COL27A1: variants seen among roughly 807,000 people sequenced by gnomAD.
COL27A1 encodes collagen alpha-1(XXVII) chain.
COL27A1 carries 106 observed loss-of-function variants against 251.3 expected under a neutral mutation model. The observed-to-expected ratio is 0.42, with a 90% CI of 0.36 to 0.50. COL27A1 has a LOEUF of 0.50. Ranked by LOEUF, COL27A1 falls within the 20% of genes least tolerant of loss-of-function variation. The pLI is 0.00. For missense variants in COL27A1, 2,325 were observed against 2,522.8 expected (o/e 0.92, Z 1.68); for synonymous variants, 1,000 against 986.3 (o/e 1.01, Z -0.26).
chr9:114,255,100 C>T (rs908172932), intron 27 of COL27A1, among the ~76,000 whole-genome samples: 5 of 152,206 alleles, frequency 3.3e-5, no homozygotes, highest in Non-Finnish European at 4.4e-5. Flanking sequence ...CAGAAGCCAG[C>T]ACTCTGGGCT....
chr9:114,237,396 AC>A (rs1832470394), intron 18 of COL27A1, among the ~76,000 whole-genome samples: 1 of 152,112 alleles, frequency 6.6e-6, no homozygotes, highest in South Asian at 2.1e-4. Flanking sequence ...GCTGCCAACT[AC>A]CCCAGGAGTG....
At chr9:114,241,275 G>T (rs2135479176) in intron 21 of COL27A1, among the ~76,000 whole-genome samples, 1 of 152,262 alleles carries the variant, frequency 6.6e-6, no homozygotes, top group East Asian at 1.9e-4. Flanking sequence ...GCCCTGGGCT[G>T]AGGGTGCGGG....
intron 18 of COL27A1, 77 bp from the exon 19 acceptor site, chr9:114,237,585 C>G: frequency 1.6e-6 from 2 of 1,223,746 alleles, no homozygotes; most frequent in East Asian, 4.7e-5. Context: ...CCATCCACAA[C>G]CAGCGGGGGA....
chr9:114,306,820 T>C, intron 58 of COL27A1, 132 bp downstream of exon 58: 1 of 959,482 alleles, frequency 1.0e-6, no homozygotes, highest in Non-Finnish European at 1.5e-6. Flanking sequence ...AGTCATTTAT[T>C]CACTCAGCAG....
chr9:114,200,345 ATTC>A (rs1204188357), intron 7 of COL27A1, among the ~76,000 whole-genome samples: 1 of 152,136 alleles, frequency 6.6e-6, no homozygotes, highest in Non-Finnish European at 1.5e-5. Context: ...GTGCATCTAT[ATTC>A]TTCTAGCACT....
intron 41 of COL27A1, among the ~76,000 whole-genome samples, 178 bp downstream of exon 41, chr9:114,284,955 C>G (rs892330371): frequency 1.3e-5 from 2 of 152,230 alleles, no homozygotes; most frequent in African/African-American, 4.8e-5. Flanking sequence ...CAGGAGCTGT[C>G]AGATCCACAT....
At chr9:114,253,001 T>G in intron 27 of COL27A1, 69 bp downstream of exon 27, 1 of 1,271,118 alleles carries the variant, frequency 7.9e-7, no homozygotes, top group Non-Finnish European at 1.1e-6. Context: ...CTGGGTGTGG[T>G]GGCTCACACC....
At chr9:114,205,884 A>G in intron 9 of COL27A1, 72 bp downstream of exon 9, 2 of 1,422,906 alleles carry the variant, frequency 1.4e-6, no homozygotes, top group South Asian at 2.6e-5. Flanking sequence ...CCCGAGGCAG[A>G]GGGAGGTGGT....
At chr9:114,225,286 C>T (rs1201714464) in intron 14 of COL27A1, among the ~76,000 whole-genome samples, 1 of 152,250 alleles carries the variant, frequency 6.6e-6, no homozygotes, top group Non-Finnish European at 1.5e-5. Context: ...GAGCAGCCTG[C>T]ACTGGGGGCA....
At chr9:114,264,869 G>A (rs1412482498) in intron 29 of COL27A1, 55 bp from the exon 30 acceptor site, 1 of 1,562,250 alleles carries the variant, frequency 6.4e-7, no homozygotes, top group Admixed American at 1.9e-5. Flanking sequence ...TCCCTTTTTG[G>A]GGAACGGTCC....
At chr9:114,279,348 A>G (rs1307636832) in intron 37 of COL27A1, among the ~76,000 whole-genome samples, 1 of 152,194 alleles carries the variant, frequency 6.6e-6, no homozygotes, top group East Asian at 1.9e-4. Flanking sequence ...TTGAACAAAC[A>G]TTTATGTGGA....
At chr9:114,266,519 C>T in intron 32 of COL27A1, 46 bp from the exon 33 acceptor site, 1 of 1,568,840 alleles carries the variant, frequency 6.4e-7, no homozygotes. Flanking sequence ...CAAAGAGGGC[C>T]CAGGCTGACC....
At chr9:114,308,474 G>A (rs1400375426) in intron 59 of COL27A1, among the ~76,000 whole-genome samples, 1 of 152,206 alleles carries the variant, frequency 6.6e-6, no homozygotes, top group Non-Finnish European at 1.5e-5. Flanking sequence ...TCTAGGAGAG[G>A]CAGCCAGCCA....
At position 114,302,632 on chromosome 9, in the gene COL27A1, C is replaced by T. The variant is rs546142141; in HGVS notation, c.4872+524C>T. Among the ~76,000 whole-genome samples the T allele has an allele frequency of 2.5e-4, 37 of 150,538 alleles. 1 individual carries two copies. The highest frequency in any genetic ancestry group is 6.0e-4 in the East Asian group (3 of 5,028). On this transcript the variant is annotated intron_variant, in intron 56 of 60. Coordinates refer to ENST00000356083, the MANE Select transcript of COL27A1 (RefSeq NM_032888.4). ...TCCCAGCTACAGGAGAGGTTGAACC[C>T]GGGAGGAGGAGGCTGCAGTGAGCCA...
At chr9:114,169,893 G>T (rs1213926795) in intron 3 of COL27A1, among the ~76,000 whole-genome samples, 1 of 152,266 alleles carries the variant, frequency 6.6e-6, no homozygotes, top group African/African-American at 2.4e-5. Flanking sequence ...CCATCAGCTT[G>T]TCTGAGAGTT....
Position 114,242,250 on chromosome 9 carries a change from G to A in COL27A1, c.2880+19G>A, listed in dbSNP as rs765793930. 1.2e-6 allele frequency: 2 copies of A among 1,605,774 alleles called. No individual in the cohort carries two copies. The highest frequency in any genetic ancestry group is 2.2e-5 in the South Asian group (2 of 89,726). On this transcript the variant is annotated intron_variant, in intron 22 of 60. Transcript: ENST00000356083. Reference sequence around the variant, plus strand: ...CTTGGAGGTGAGTGTCACTGGCCTGGGGTAGGTGGCATTCATGGGAGCTGA... The same window carrying A: ...CTTGGAGGTGAGTGTCACTGGCCTGAGGTAGGTGGCATTCATGGGAGCTGA...
intron 57 of COL27A1, among the ~76,000 whole-genome samples, chr9:114,305,857 G>A (rs373602049): frequency 6.6e-6 from 1 of 152,222 alleles, no homozygotes; most frequent in Non-Finnish European, 1.5e-5. Flanking sequence ...TCACACATGC[G>A]TGCACACACA....
At chr9:114,180,336 G>A (rs1281813961) in intron 4 of COL27A1, among the ~76,000 whole-genome samples, 1 of 152,140 alleles carries the variant, frequency 6.6e-6, no homozygotes, top group Non-Finnish European at 1.5e-5. Flanking sequence ...AGAAGTTGTG[G>A]AATCTTAGGC....
At chr9:114,305,513 T>C (rs1828974436) in intron 57 of COL27A1, among the ~76,000 whole-genome samples, 1 of 152,222 alleles carries the variant, frequency 6.6e-6, no homozygotes, top group African/African-American at 2.4e-5. Context: ...AAGCACCTCC[T>C]ACCCACTCTG....
Sources: gnomAD v4.1 joint callset for allele counts (sites outside exome capture counted in the v4.1 genomes callset) on GRCh38, gnomAD v4.1.1 for gene constraint, MANE v1.5 for transcripts, NCBI Gene and HGNC (gene_info 2026-07-23, HGNC 2026-07-21) for gene names.